The following VPS13D variants were observed in gnomAD, a reference collection of about 807,000 sequenced individuals.
VPS13D encodes vacuolar protein sorting 13 homolog D.
VPS13D carries 187 observed loss-of-function variants against 461.9 expected under a neutral mutation model. That is an observed-to-expected ratio of 0.40 (90% CI 0.36 to 0.46). The LOEUF is 0.46. Among genes scored for constraint, VPS13D ranks in the 20% least tolerant of loss-of-function variants. The pLI is 0.60. For missense variants in VPS13D, 4,711 were observed against 5,364.9 expected (o/e 0.88, Z 3.81); for synonymous variants, 1,951 against 1,986.3 (o/e 0.98, Z 0.47).
At chr1:12,504,703 G>A (rs1472210297) in intron 68 of VPS13D, among the ~76,000 whole-genome samples, 3 of 152,200 alleles carry the variant, frequency 2.0e-5, no homozygotes, top group Non-Finnish European at 2.9e-5. Context: ...TCCGGAGGGC[G>A]TCCCAGCTCA....
At chr1:12,376,487 C>CTAA (rs1644200373) in intron 55 of VPS13D, among the ~76,000 whole-genome samples, 1 of 152,198 alleles carries the variant, frequency 6.6e-6, no homozygotes, top group Non-Finnish European at 1.5e-5. Flanking sequence ...CAGGCATGTA[C>CTAA]TAATAAGCGT....
At chr1:12,447,651 A>G (rs1222391891) in intron 65 of VPS13D, among the ~76,000 whole-genome samples, 1 of 152,256 alleles carries the variant, frequency 6.6e-6, no homozygotes, top group Non-Finnish European at 1.5e-5. Context: ...TACTTTTGCC[A>G]CAAGAAGCTC....
At chr1:12,242,078 A>C (rs1169355949) in intron 2 of VPS13D, among the ~76,000 whole-genome samples, 2 of 152,246 alleles carry the variant, frequency 1.3e-5, no homozygotes, top group Admixed American at 6.5e-5. Flanking sequence ...TGATAAAAAA[A>C]AAAAGGAGAA....
At chr1:12,355,179 G>C (rs1643874939) in intron 47 of VPS13D, among the ~76,000 whole-genome samples, 1 of 152,292 alleles carries the variant, frequency 6.6e-6, no homozygotes, top group South Asian at 2.1e-4. Flanking sequence ...AGACTCAGCT[G>C]TTGTTACAGG....
chr1:12,430,970 G>A (rs1252191228), intron 65 of VPS13D, among the ~76,000 whole-genome samples: 1 of 152,154 alleles, frequency 6.6e-6, no homozygotes, highest in Non-Finnish European at 1.5e-5. Context: ...GACAAACTGA[G>A]GTGCCTCAAC....
intron 53 of VPS13D, among the ~76,000 whole-genome samples, chr1:12,369,227 A>ATC (rs1553184443): frequency 1.3e-5 from 2 of 149,274 alleles, no homozygotes; most frequent in African/African-American, 5.0e-5. Flanking sequence ...GTGTGTGTGT[A>ATC]TCTGTGTGTG....
intron 67 of VPS13D, among the ~76,000 whole-genome samples, chr1:12,485,058 A>G (rs1017616299): frequency 1.3e-5 from 2 of 151,858 alleles, no homozygotes; most frequent in African/African-American, 4.8e-5. Flanking sequence ...TGGCATAGCA[A>G]CTCTCACCTC....
chr1:12,479,553 G>C (rs750493768), intron 67 of VPS13D, among the ~76,000 whole-genome samples: 1 of 152,216 alleles, frequency 6.6e-6, no homozygotes, highest in Non-Finnish European at 1.5e-5. Context: ...CCATTGTACA[G>C]ATGGGAAAGT....
chr1:12,329,880 T>G lies in VPS13D; in HGVS notation c.8249T>G (p.Phe2750Cys). The change falls in exon 37 of 70, where the codon TTC (phenylalanine) becomes TGC (cysteine). Residue 2750 changes from phenylalanine to cysteine, a missense_variant. Phe to Cys is a radical substitution (Grantham distance 205). Transcript: ENST00000620676. ...VRTSPEGYAH[F>C]TLSGDYYNRA... ...ACTAGCCCTGAAGGCTATGCCCACT[T>G]CACCCTTTCTGGAGATTATTATAAC... 1.9e-6 allele frequency: 3 copies of G among 1,614,132 alleles called. No individual in the cohort carries two copies. The highest frequency in any genetic ancestry group is 2.5e-6 in the Non-Finnish European group (3 of 1,179,994).
chr1:12,329,887 T>G lies in VPS13D; in HGVS notation c.8256T>G (p.Leu2752=), dbSNP rs746961978. The G allele has an allele frequency of 5.6e-6, 9 of 1,614,084 alleles. No individual in the cohort carries two copies. The highest frequency in any genetic ancestry group is 7.6e-6 in the Non-Finnish European group (9 of 1,179,984). The change falls in exon 37 of 70, where the codon CTT becomes CTG. Residue 2752 remains leucine (L), a synonymous_variant. Coordinates refer to ENST00000620676, the MANE Select transcript of VPS13D (RefSeq NM_015378.4). ...TSPEGYAHFT[L]SGDYYNRALS... is the part of the protein sequence containing the mutation. ...CTGAAGGCTATGCCCACTTCACCCT[T>G]TCTGGAGATTATTATAACCGTGCTC...
At chr1:12,235,084 A>G (rs989691474) in intron 2 of VPS13D, among the ~76,000 whole-genome samples, 24 of 152,214 alleles carry the variant, frequency 1.6e-4, no homozygotes, top group Admixed American at 3.9e-4. Flanking sequence ...GCTTTTTAAC[A>G]TACGTAGGGA....
At position 12,349,996 on chromosome 1, in the gene VPS13D, A is replaced by C. The variant is rs1569973678; in HGVS notation, c.9431+622A>C. On this transcript the variant is annotated intron_variant, in intron 46 of 69. Coordinates refer to ENST00000620676, the MANE Select transcript of VPS13D (RefSeq NM_015378.4). ...ACAGGCATTCATTTAGTCTAAACTT[A>C]GAGAAAAGATACAAGAATAGTGTAA... is the stretch of plus-strand genomic sequence containing the variant. Among the ~76,000 whole-genome samples the C allele has an allele frequency of 2.0e-5, 3 of 152,376 alleles. No individual in the cohort carries two copies. In the South Asian group the frequency reaches 6.2e-4, roughly 32 times the overall value.
chr1:12,378,326 A>G (rs1487748007), intron 55 of VPS13D, 102 bp from the exon 56 acceptor site: 16 of 1,082,436 alleles, frequency 1.5e-5, no homozygotes, highest in African/African-American at 1.1e-4. Flanking sequence ...TAAACTTCCT[A>G]TATGAGAACT....
chr1:12,475,812 C>A lies in VPS13D; in HGVS notation c.12662+15416C>A, dbSNP rs559298084. Among the ~76,000 whole-genome samples the A allele has an allele frequency of 4.6e-5, 7 of 152,240 alleles. 1 individual carries two copies. Among genetic ancestry groups the A allele is most frequent in the Admixed American group, 3.9e-4 (6 of 15,296 alleles). On this transcript the variant is annotated intron_variant, in intron 67 of 69. Transcript: ENST00000620676. Reference sequence around the variant, plus strand: ...CAGGGAACCTGTTGTAAATAAACCACTTCCCGCATGCTCAGTCATCGTGGA... The same window carrying A: ...CAGGGAACCTGTTGTAAATAAACCAATTCCCGCATGCTCAGTCATCGTGGA...
intron 65 of VPS13D, among the ~76,000 whole-genome samples, chr1:12,417,055 A>G (rs568643072): frequency 2.0e-5 from 3 of 152,210 alleles, no homozygotes; most frequent in South Asian, 4.1e-4. Context: ...GCCTTAGTCC[A>G]GGCATTGCGT....
In VPS13D at chr1:12,365,492, T is replaced by C. The variant is rs1488291851; in HGVS notation, c.10448+2245T>C. Reference sequence around the variant, plus strand: ...AGGCCTAGGTGGGCGGATCACGAGGTCAGGAGTTCCAGACCAGTCTGACCA... The same window carrying C: ...AGGCCTAGGTGGGCGGATCACGAGGCCAGGAGTTCCAGACCAGTCTGACCA... On this transcript the variant is annotated intron_variant, in intron 52 of 69. Transcript: ENST00000620676. Among the ~76,000 whole-genome samples, 3 of 152,116 alleles carry C rather than the reference T, an allele frequency of 2.0e-5. No homozygotes were observed. In the East Asian group the frequency reaches 5.8e-4, roughly 29 times the overall value.
rs533917331 is a variant in VPS13D, at chr1:12,304,616, T to C, written c.6327T>C (p.Pro2109=). ...GTHSQGQFTM[P]LAGMSLGSLK... is the part of the protein sequence containing the mutation. ...ATTCCCAGGGGCAGTTCACGATGCC[T>C]CTTGCTGGAATGAGCCTAGGAAGCC... The change falls in exon 26 of 70, where the codon CCT becomes CCC. Residue 2109 remains proline (P), a synonymous_variant. Coordinates refer to ENST00000620676, the MANE Select transcript of VPS13D (RefSeq NM_015378.4). 2.5e-6 allele frequency: 4 copies of C among 1,614,084 alleles called. No homozygotes were observed. The highest frequency in any genetic ancestry group is 2.5e-6 in the Non-Finnish European group (3 of 1,180,020).
Position 12,306,379 on chromosome 1 carries a change from AG to A in VPS13D, c.6439+1652del, listed in dbSNP as rs772726484. ...GTAACTGAACATGATACTGCTTGCC[AG>A]TCTGTCTGCATGCACATCTAGAACA... On this transcript the variant is annotated intron_variant, in intron 26 of 69. Transcript: ENST00000620676. Among the ~76,000 whole-genome samples the A allele has an allele frequency of 1.2e-3, 185 of 152,294 alleles. 1 individual carries two copies. Among genetic ancestry groups the A allele is most frequent in the Non-Finnish European group, 2.3e-3 (159 of 68,030 alleles).
At chr1:12,490,173 C>T (rs1645857031) in intron 67 of VPS13D, among the ~76,000 whole-genome samples, 1 of 152,186 alleles carries the variant, frequency 6.6e-6, no homozygotes, top group Non-Finnish European at 1.5e-5. Flanking sequence ...CAGGCACAAA[C>T]CATTTGCAGG....
Sources: gnomAD v4.1 joint callset for allele counts (sites outside exome capture counted in the v4.1 genomes callset) on GRCh38, gnomAD v4.1.1 for gene constraint, MANE v1.5 for transcripts, NCBI Gene and HGNC (gene_info 2026-07-23, HGNC 2026-07-21) for gene names.